HS3ST4: variants seen among roughly 807,000 people sequenced by gnomAD.
The protein encoded by HS3ST4 is heparan sulfate glucosamine 3-O-sulfotransferase 4.
A neutral mutation model predicts 29.2 loss-of-function variants in HS3ST4; 17 were observed. The observed-to-expected ratio is 0.58, with a 90% CI of 0.40 to 0.87. The LOEUF is 0.87. Among genes scored for constraint, HS3ST4 ranks in the 40% least tolerant of loss-of-function variants. The pLI is 0.00. For missense variants in HS3ST4, 627 were observed against 634.5 expected (o/e 0.99, Z 0.13); for synonymous variants, 314 against 285.7 (o/e 1.10, Z -1.00).
intron 1 of HS3ST4, among the ~76,000 whole-genome samples, chr16:25,750,628 G>A (rs1302125774): frequency 6.6e-6 from 1 of 152,138 alleles, no homozygotes; most frequent in East Asian, 1.9e-4. Flanking sequence ...CCCAGCCCTT[G>A]GCAGCATTGC....
chr16:25,734,496 T>C lies in HS3ST4; in HGVS notation c.734+41345T>C, dbSNP rs142156853. On this transcript the variant is annotated intron_variant, in intron 1 of 1. Coordinates refer to ENST00000331351, the MANE Select transcript of HS3ST4 (RefSeq NM_006040.3). The stretch of plus-strand genomic sequence containing the variant: ...CTCCTAACTCCCACCTCCAGGGTTG[T>C]CTACCATAAATCATTCATCCAATAA... Among the ~76,000 whole-genome samples, 442 of 152,314 alleles carry C rather than the reference T, an allele frequency of 2.9e-3. 4 individuals carry two copies. Among genetic ancestry groups the C allele is most frequent in the Middle Eastern group, 0.01 (3 of 294 alleles).
At chr16:25,780,885 G>A (rs1388969187) in intron 1 of HS3ST4, among the ~76,000 whole-genome samples, 1 of 152,220 alleles carries the variant, frequency 6.6e-6, no homozygotes, top group Middle Eastern at 3.4e-3. Flanking sequence ...TTACTCAGTG[G>A]AGTTGGTCTG....
rs149818348 is a variant in HS3ST4 at position 25,755,458 on chromosome 16, A to G, written c.734+62307A>G. 2.5e-3 allele frequency among the ~76,000 whole-genome samples: 379 copies of G among 152,280 alleles called. 2 individuals carry two copies. The highest frequency in any genetic ancestry group is 8.7e-3 in the African/African-American group (363 of 41,564). The stretch of plus-strand genomic sequence containing the variant: ...ACCCAGATTTTGGAAAAACCATGGC[A>G]TGCATGGAGAGGTTTGAGGGTGAAT... On this transcript the variant is annotated intron_variant, in intron 1 of 1. Coordinates refer to ENST00000331351, the MANE Select transcript of HS3ST4 (RefSeq NM_006040.3).
At chr16:26,009,327 T>G (rs533615849) in intron 1 of HS3ST4, among the ~76,000 whole-genome samples, 1 of 152,338 alleles carries the variant, frequency 6.6e-6, no homozygotes, top group African/African-American at 2.4e-5. Flanking sequence ...AGATTCTGCT[T>G]TCTACAAAGT....
chr16:26,072,385 T>C (rs1898612570), intron 1 of HS3ST4, among the ~76,000 whole-genome samples: 1 of 152,130 alleles, frequency 6.6e-6, no homozygotes, highest in Non-Finnish European at 1.5e-5. Flanking sequence ...TGGTGATAGC[T>C]TTGGTGTGGG....
intron 1 of HS3ST4, among the ~76,000 whole-genome samples, chr16:26,011,346 G>A (rs565571755): frequency 6.6e-6 from 1 of 151,768 alleles, no homozygotes; most frequent in South Asian, 2.1e-4. Flanking sequence ...GATCACCTGA[G>A]GTCAGGCGTT....
intron 1 of HS3ST4, among the ~76,000 whole-genome samples, chr16:25,843,102 A>G (rs577741703): frequency 6.6e-6 from 1 of 152,202 alleles, no homozygotes; most frequent in African/African-American, 2.4e-5. Context: ...ATTGCTGCAT[A>G]TGAACCACCC....
In HS3ST4 at chr16:25,788,467, G is replaced by A. The variant is rs116824116; in HGVS notation, c.734+95316G>A. On this transcript the variant is annotated intron_variant, in intron 1 of 1. Coordinates refer to ENST00000331351, the MANE Select transcript of HS3ST4 (RefSeq NM_006040.3). ...CAGTAAGTCTCTGTGAATAATCTAC[G>A]TATTATTTCACTTTCTCCCTGTTAT... Among the ~76,000 whole-genome samples, 553 of 147,036 alleles carry A rather than the reference G, an allele frequency of 3.8e-3. 1 individual carries two copies. Among genetic ancestry groups the A allele is most frequent in the African/African-American group, 0.013 (510 of 40,202 alleles).
At chr16:26,038,361 T>G (rs1361760380) in intron 1 of HS3ST4, among the ~76,000 whole-genome samples, 1 of 145,860 alleles carries the variant, frequency 6.9e-6, no homozygotes, top group Non-Finnish European at 1.5e-5. Flanking sequence ...CATCACACGG[T>G]GCATTTACTT....
At chr16:25,872,941 C>T (rs1049534183) in intron 1 of HS3ST4, among the ~76,000 whole-genome samples, 15 of 152,126 alleles carry the variant, frequency 9.9e-5, no homozygotes, top group Middle Eastern at 3.4e-3. Context: ...TGTGGCTGGG[C>T]ACTCTTTCTC....
At chr16:25,902,730 G>A (rs929401657) in intron 1 of HS3ST4, among the ~76,000 whole-genome samples, 7 of 152,004 alleles carry the variant, frequency 4.6e-5, no homozygotes, top group East Asian at 3.9e-4. Flanking sequence ...ACAAGAAAGC[G>A]GCAATGTGGT....
At chr16:25,734,988 A>T (rs1966597150) in intron 1 of HS3ST4, among the ~76,000 whole-genome samples, 1 of 152,186 alleles carries the variant, frequency 6.6e-6, no homozygotes, top group South Asian at 2.1e-4. Flanking sequence ...TGTTTTGTGG[A>T]TTCTGAAGCT....
chr16:25,875,077 G>A (rs777994971), intron 1 of HS3ST4, among the ~76,000 whole-genome samples: 4 of 152,282 alleles, frequency 2.6e-5, no homozygotes, highest in Non-Finnish European at 2.9e-5. Context: ...GGGATACAAT[G>A]TTGATCCCTA....
intron 1 of HS3ST4, among the ~76,000 whole-genome samples, chr16:25,826,978 C>T (rs1428145881): frequency 1.3e-5 from 2 of 151,826 alleles, no homozygotes; most frequent in Non-Finnish European, 1.5e-5. Flanking sequence ...AACAGAGGAT[C>T]ATTCAAACTA....
At chr16:26,091,143 T>C (rs1224597562) in intron 1 of HS3ST4, among the ~76,000 whole-genome samples, 2 of 152,208 alleles carry the variant, frequency 1.3e-5, no homozygotes, top group African/African-American at 4.8e-5. Flanking sequence ...TGCAGATATC[T>C]GCACATTTAA....
intron 1 of HS3ST4, among the ~76,000 whole-genome samples, chr16:25,809,407 A>G (rs1967020049): frequency 6.6e-6 from 1 of 152,128 alleles, no homozygotes; most frequent in Non-Finnish European, 1.5e-5. Flanking sequence ...GTCATGATAC[A>G]TTGTTGGACT....
At chr16:25,728,160 C>G (rs1488059526) in intron 1 of HS3ST4, among the ~76,000 whole-genome samples, 1 of 152,164 alleles carries the variant, frequency 6.6e-6, no homozygotes, top group Non-Finnish European at 1.5e-5. Flanking sequence ...CGCCATCACA[C>G]CCAGCCAATT....
intron 1 of HS3ST4, among the ~76,000 whole-genome samples, chr16:26,046,770 G>A (rs1354728122): frequency 1.3e-5 from 2 of 151,988 alleles, no homozygotes; most frequent in Admixed American, 6.6e-5. Context: ...AATACTTACT[G>A]GGGTGCTAGG....
rs1394463730 is a variant in HS3ST4 at position 25,794,926 on chromosome 16, CACACACACACACAT to C, written c.734+101777_734+101790del. On this transcript the variant is annotated intron_variant, in intron 1 of 1. Coordinates refer to ENST00000331351, the MANE Select transcript of HS3ST4 (RefSeq NM_006040.3). ...ACACACACACACACACACACACACA[CACACACACACACAT>C]ATATATTCATAATTTTCATCTTTTT... is the stretch of plus-strand genomic sequence containing the variant. Among the ~76,000 whole-genome samples, 261 of 115,710 alleles carry C rather than the reference CACACACACACACAT, an allele frequency of 2.3e-3. 1 individual carries two copies. The highest frequency in any genetic ancestry group is 7.8e-3 in the African/African-American group (244 of 31,374). The allele number at this position is 115,710 out of a possible 152,430, so 75.9% of individuals were successfully genotyped here.
Sources: allele counts gnomAD v4.1 joint callset (sites outside exome capture counted in the v4.1 genomes callset), GRCh38; gene constraint gnomAD v4.1.1; transcripts MANE v1.5; gene names NCBI Gene and HGNC (gene_info 2026-07-23, HGNC 2026-07-21).